MORN5: variants seen among roughly 807,000 people sequenced by gnomAD.
MORN5 encodes MORN repeat-containing protein 5.
Under a neutral mutation model 22.1 loss-of-function variants are expected in MORN5, and 21 were observed. The observed-to-expected ratio is 0.95, with a 90% CI of 0.67 to 1.37. MORN5 has a LOEUF of 1.37. MORN5 is among the 40% of genes most tolerant of loss of function. The pLI is 0.00. For synonymous variants in MORN5, 73 were observed against 74.0 expected (o/e 0.99, Z 0.07); for missense variants, 211 against 215.1 (o/e 0.98, Z 0.12).
chr9:122,186,069 C>T (rs138994692), intron 4 of MORN5, among the ~76,000 whole-genome samples: 27 of 152,318 alleles, frequency 1.8e-4, no homozygotes, highest in Admixed American at 5.9e-4. Flanking sequence ...AGGGATAATA[C>T]GCTGTAACTG....
At position 122,169,750 on chromosome 9, in the gene MORN5, C is replaced by A. The variant is rs142949362; in HGVS notation, c.301C>A (p.Pro101Thr). Residue 101 changes from proline to threonine, a missense_variant, in exon 3 of 5, where the codon CCT (proline) becomes ACT (threonine). By Grantham distance (38) the Pro-to-Thr change is conservative. Transcript: ENST00000373764. ...CACAGAGATCCTCAATGGCTTGAAG[C>A]CTGCAGGTACCCAGGCACCCACCCT... ...FYTEILNGLKPAGMAQLTNMD... is the reference protein window; with the variant it reads ...FYTEILNGLKTAGMAQLTNMD... 3.8e-5 allele frequency: 61 copies of A among 1,607,378 alleles called. No homozygotes were observed. Among genetic ancestry groups the A allele is most frequent in the African/African-American group, 3.2e-4 (24 of 74,784 alleles).
intron 3 of MORN5, among the ~76,000 whole-genome samples, chr9:122,172,980 G>A (rs79791796): frequency 0.049 from 7,387 of 152,250 alleles, 250 homozygotes; most frequent in Middle Eastern, 0.14. Context: ...CACTCCTCCC[G>A]AATTAGTTAT....
chr9:122,161,262 T>C (rs1829194215), intron 1 of MORN5, among the ~76,000 whole-genome samples: 1 of 152,168 alleles, frequency 6.6e-6, no homozygotes, highest in South Asian at 2.1e-4. Context: ...GAGGGATCTG[T>C]GGTCTGGACA....
chr9:122,183,234 A>G (rs567164765), intron 4 of MORN5, among the ~76,000 whole-genome samples: 1 of 152,338 alleles, frequency 6.6e-6, no homozygotes, highest in African/African-American at 2.4e-5. Context: ...ATGATGGGAA[A>G]CTGGTAGACT....
At chr9:122,189,547 T>C (rs560000256) in intron 4 of MORN5, among the ~76,000 whole-genome samples, 18 of 152,260 alleles carry the variant, frequency 1.2e-4, no homozygotes, top group Non-Finnish European at 2.1e-4. Context: ...AAGTGAGCCA[T>C]GATCACACTG....
chr9:122,184,715 A>T (rs1190357378), intron 4 of MORN5, among the ~76,000 whole-genome samples: 1 of 152,158 alleles, frequency 6.6e-6, no homozygotes, highest in Non-Finnish European at 1.5e-5. Context: ...CTCCACAGTA[A>T]CCCTGCAAAG....
At chr9:122,196,621 G>A (rs1389512959) in intron 4 of MORN5, among the ~76,000 whole-genome samples, 2 of 152,160 alleles carry the variant, frequency 1.3e-5, no homozygotes, top group Non-Finnish European at 2.9e-5. Flanking sequence ...GTAAGCCACC[G>A]CGCCCGGCAA....
chr9:122,196,099 C>T (rs1242123165), intron 4 of MORN5, among the ~76,000 whole-genome samples: 2 of 151,898 alleles, frequency 1.3e-5, no homozygotes, highest in African/African-American at 2.4e-5. Flanking sequence ...GCTGGGACCA[C>T]AGGTGCTTGC....
At chr9:122,178,406 T>C (rs977044797) in intron 4 of MORN5, among the ~76,000 whole-genome samples, 14 of 152,226 alleles carry the variant, frequency 9.2e-5, no homozygotes, top group African/African-American at 3.4e-4. Flanking sequence ...GGAGAATTGC[T>C]TGAACCCAGG....
At chr9:122,196,567 G>A (rs890491720) in intron 4 of MORN5, among the ~76,000 whole-genome samples, 5 of 152,194 alleles carry the variant, frequency 3.3e-5, no homozygotes, top group Middle Eastern at 3.4e-3. Context: ...TCTTGACCTC[G>A]TGATCCACCC....
intron 2 of MORN5, among the ~76,000 whole-genome samples, chr9:122,168,523 G>A (rs1829320440): frequency 6.6e-6 from 1 of 152,196 alleles, no homozygotes; most frequent in African/African-American, 2.4e-5. Flanking sequence ...GAGAGTCTAA[G>A]CCCCAGGAAG....
At chr9:122,169,112 C>T (rs912145460) in intron 2 of MORN5, among the ~76,000 whole-genome samples, 17 of 152,190 alleles carry the variant, frequency 1.1e-4, no homozygotes, top group Non-Finnish European at 2.1e-4. Flanking sequence ...AGACCCTCAA[C>T]GGATTGTATG....
chr9:122,160,460 G>T (rs1045927003), intron 1 of MORN5, among the ~76,000 whole-genome samples: 2 of 152,184 alleles, frequency 1.3e-5, no homozygotes, highest in Non-Finnish European at 2.9e-5. Flanking sequence ...ACGATCTAGG[G>T]ATTATTATAG....
chr9:122,170,860 G>A (rs951056523), intron 3 of MORN5, among the ~76,000 whole-genome samples: 1 of 152,156 alleles, frequency 6.6e-6, no homozygotes, highest in Non-Finnish European at 1.5e-5. Context: ...ATAGTATTAG[G>A]AGAAATACCT....
intron 4 of MORN5, among the ~76,000 whole-genome samples, chr9:122,180,282 CTTTTTT>C (rs938997436): frequency 1.9e-5 from 2 of 107,512 alleles, no homozygotes; most frequent in Non-Finnish European, 3.7e-5. Context: ...ACATTTTCTT[CTTTTTT>C]TTTTTTTTTT....
chr9:122,165,944 C>G (rs972300859), intron 1 of MORN5, among the ~76,000 whole-genome samples: 2 of 152,082 alleles, frequency 1.3e-5, no homozygotes, highest in Admixed American at 1.3e-4. Context: ...AAGGACATAA[C>G]CAAAGACTGG....
At chr9:122,191,018 C>A (rs565117628) in intron 4 of MORN5, among the ~76,000 whole-genome samples, 7 of 152,342 alleles carry the variant, frequency 4.6e-5, no homozygotes, top group Admixed American at 3.9e-4. Flanking sequence ...TAGACCCCCC[C>A]AAAAGACGAC....
intron 1 of MORN5, among the ~76,000 whole-genome samples, chr9:122,161,840 C>T (rs1829205049): frequency 6.6e-6 from 1 of 152,188 alleles, no homozygotes; most frequent in African/African-American, 2.4e-5. Flanking sequence ...CAGCCATTTC[C>T]ATGCTTTGGC....
chr9:122,174,034 T>C (rs1829406451), intron 3 of MORN5, among the ~76,000 whole-genome samples: 1 of 152,226 alleles, frequency 6.6e-6, no homozygotes, highest in Non-Finnish European at 1.5e-5. Context: ...TCCATTTCTT[T>C]TCTGCTGTTC....
Sources: gnomAD v4.1 joint callset for allele counts (sites outside exome capture counted in the v4.1 genomes callset) on GRCh38, gnomAD v4.1.1 for gene constraint, MANE v1.5 for transcripts, NCBI Gene and HGNC (gene_info 2026-07-23, HGNC 2026-07-21) for gene names.